Variants in NCOA6 observed in about 807,000 individuals in gnomAD.
NCOA6 encodes the protein NRC RAP250.
A neutral mutation model predicts 171.4 loss-of-function variants in NCOA6; 49 were observed. The observed-to-expected ratio is 0.29, with a 90% CI of 0.23 to 0.36. The LOEUF is 0.36. Among genes scored for constraint, NCOA6 ranks in the 10% least tolerant of loss-of-function variants. The pLI is 1.00. For missense variants in NCOA6, 2,248 were observed against 2,554.5 expected (o/e 0.88, Z 2.59); for synonymous variants, 910 against 927.5 (o/e 0.98, Z 0.34).
chr20:34,782,380 T>C lies in NCOA6; in HGVS notation c.-25A>G, dbSNP rs781254957. On this transcript the variant is annotated 5_prime_UTR_variant, in exon 3 of 15. Coordinates refer to ENST00000359003, the MANE Select transcript of NCOA6 (RefSeq NM_014071.5). The stretch of plus-strand genomic sequence containing the variant: ...TGGTGAATATTATTCCAGAAGCATA[T>C]GCCAAGAGGACAATAAGAAAACTTC... 3 of 1,443,270 alleles carry C rather than the reference T, an allele frequency of 2.1e-6. No homozygotes were observed. The highest frequency in any genetic ancestry group is 4.0e-5 in the Admixed American group (2 of 49,848). The allele number at this position is 1,443,270 out of a possible 1,614,324, so 89.4% of individuals were successfully genotyped here.
In NCOA6 at chr20:34,740,414, C is replaced by T. The variant is rs2076097203; in HGVS notation, c.5842G>A (p.Gly1948Ser). 6.2e-7 allele frequency: 1 copy of T among 1,614,016 alleles called. No individual in the cohort carries two copies. The highest frequency in any genetic ancestry group is 1.7e-5 in the Admixed American group (1 of 60,004). ...GATCCCACCTTCTCCTCCACTAGGC[C>T]ACCCGCAAGTGACTCAGATGCTATG... ...GGIASESLAG[G>S]LVEEKVGSHP... The change falls in exon 11 of 15, where the codon GGC becomes AGC. Residue 1948 changes from glycine to serine, a missense_variant. Physicochemically the swap from Gly to Ser is moderately conservative, Grantham distance 56 (BLOSUM62 0). Transcript: ENST00000359003.
chr20:34,773,293 CA>C (rs1365873944), intron 4 of NCOA6, among the ~76,000 whole-genome samples: 1 of 152,026 alleles, frequency 6.6e-6, no homozygotes, highest in Non-Finnish European at 1.5e-5. Context: ...AGAGGGGGCA[CA>C]AAATGTCCTC....
At chr20:34,825,251 G>A (rs1014239307) in intron 1 of NCOA6, among the ~76,000 whole-genome samples, 9 of 150,860 alleles carry the variant, frequency 6.0e-5, no homozygotes, top group Admixed American at 2.0e-4. Context: ...GCCCCCGCCC[G>A]CAGGCCTGGG....
rs187135898 is a variant in NCOA6 at position 34,790,673 on chromosome 20, G to A, written c.-50+1777C>T. Among the ~76,000 whole-genome samples, 96 of 147,274 alleles carry A rather than the reference G, an allele frequency of 6.5e-4. 1 individual carries two copies. The South Asian group carries it at 0.017, about 26-fold the overall frequency. ...CCTGGCCTATTATTATTTTTGAGACGGAGTCTGGCTCTGTCACCCAGGCAG... is the reference window on the plus strand; with the variant it reads ...CCTGGCCTATTATTATTTTTGAGACAGAGTCTGGCTCTGTCACCCAGGCAG... On this transcript the variant is annotated intron_variant, in intron 2 of 14. Coordinates refer to ENST00000359003, the MANE Select transcript of NCOA6 (RefSeq NM_014071.5).
intron 5 of NCOA6, among the ~76,000 whole-genome samples, chr20:34,765,583 T>A (rs939255813): frequency 1.3e-5 from 2 of 151,998 alleles, no homozygotes; most frequent in Admixed American, 1.3e-4. Flanking sequence ...CTGCACAAGA[T>A]CCAAGGTTCT....
chr20:34,722,217 C>T (rs193170812), intron 14 of NCOA6, among the ~76,000 whole-genome samples: 14 of 151,476 alleles, frequency 9.2e-5, no homozygotes, highest in Non-Finnish European at 8.8e-5. Context: ...CCTATCTCTA[C>T]TAAAAATATA....
At position 34,741,822 on chromosome 20, in the gene NCOA6, A is replaced by G. The variant is rs759105733; in HGVS notation, c.4434T>C (p.Asn1478=). 7.4e-6 allele frequency: 12 copies of G among 1,614,028 alleles called. No homozygotes were observed. Among genetic ancestry groups the G allele is most frequent in the Middle Eastern group, 3.3e-4 (2 of 6,084 alleles). ...CTTCCCTCATAGCAGGAGACACCAA[A>G]TTTTTGTTCTCTTCGACACTGGGAA... ...NKLPSVEENK[N]LVSPAMREAP... is the part of the protein sequence containing the mutation. The change falls in exon 11 of 15, where the codon AAT becomes AAC. Residue 1478 remains asparagine (N), a synonymous_variant. Coordinates refer to ENST00000359003, the MANE Select transcript of NCOA6 (RefSeq NM_014071.5).
intron 1 of NCOA6, among the ~76,000 whole-genome samples, chr20:34,804,748 A>G (rs1392990855): frequency 2.0e-5 from 3 of 152,128 alleles, no homozygotes; most frequent in Non-Finnish European, 4.4e-5. Flanking sequence ...GGGGTACAGT[A>G]TAATATTTTG....
rs1888435292 is a variant in NCOA6 at position 34,740,733 on chromosome 20, T to C, written c.5523A>G (p.Lys1841=). ...CATCTGCACCATATTGTTCTTCCCC[T>C]TTCTCAAGAGAGCCTGTAACTTTCT... The part of the protein sequence containing the change: ...ACKKVTGSLE[K]GEEQYGADGE... The change falls in exon 11 of 15, where the codon AAA becomes AAG. Residue 1841 remains lysine, a synonymous_variant. Coordinates refer to ENST00000359003, the MANE Select transcript of NCOA6 (RefSeq NM_014071.5). 6.2e-7 allele frequency: 1 copy of C among 1,614,134 alleles called. No individual in the cohort carries two copies. The highest frequency in any genetic ancestry group is 8.5e-7 in the Non-Finnish European group (1 of 1,180,044).
chr20:34,767,471 T>G (rs2077014329), intron 5 of NCOA6, among the ~76,000 whole-genome samples: 1 of 152,064 alleles, frequency 6.6e-6, no homozygotes, highest in Non-Finnish European at 1.5e-5. Flanking sequence ...AATTTTTGTA[T>G]TTTTAGTAGA....
At position 34,782,042 on chromosome 20, in the gene NCOA6, T is replaced by G. The variant is rs2077528522; in HGVS notation, c.235+79A>C. The G allele has an allele frequency of 2.9e-6, 3 of 1,035,386 alleles. No homozygotes were observed. In the African/African-American group the frequency reaches 4.9e-5, roughly 17 times the overall value. The allele number at this position is 1,035,386 out of a possible 1,614,324, so 64.1% of individuals were successfully genotyped here. On this transcript the variant is annotated intron_variant, in intron 3 of 14. Coordinates refer to ENST00000359003, the MANE Select transcript of NCOA6 (RefSeq NM_014071.5). ...TTGACCCAATTTAACAAGCTTGTTTTGTAAAACTCAAGATAACCATGGAAG... is the reference window on the plus strand; with the variant it reads ...TTGACCCAATTTAACAAGCTTGTTTGGTAAAACTCAAGATAACCATGGAAG...
At chr20:34,776,778 G>C (rs779376214) in intron 3 of NCOA6, 1 of 484,056 alleles carries the variant, frequency 2.1e-6, no homozygotes, top group South Asian at 1.5e-5. Context: ...CACAGGCAAT[G>C]AACGGAAAGC....
chr20:34,751,015 A>AAAATT (rs906204834), intron 8 of NCOA6, among the ~76,000 whole-genome samples: 1 of 151,962 alleles, frequency 6.6e-6, no homozygotes, highest in South Asian at 2.1e-4. Context: ...CCCGTCTCAA[A>AAAATT]AAATTAAATT....
rs2076439146 is a variant in NCOA6 at position 34,750,470 on chromosome 20, C to A, written c.1725G>T (p.Gly575=). 6.2e-7 allele frequency: 1 copy of A among 1,613,076 alleles called. No homozygotes were observed. Among genetic ancestry groups the A allele is most frequent in the African/African-American group, 1.3e-5 (1 of 74,772 alleles). ...GGCTGGGCTGCATCATATTTGGCGGCCCGTGGGACACCTGCATCTGGTTTT... is the reference window on the plus strand; with the variant it reads ...GGCTGGGCTGCATCATATTTGGCGGACCGTGGGACACCTGCATCTGGTTTT... ...PPQNQMQVSH[G]PPNMMQPSLM... is the part of the protein sequence containing the mutation. The change falls in exon 9 of 15, where the codon GGG becomes GGT. Residue 575 remains glycine (G), a synonymous_variant. Transcript: ENST00000359003.
At chr20:34,721,051 ACT>A (rs1408238114) in intron 14 of NCOA6, among the ~76,000 whole-genome samples, 1 of 151,668 alleles carries the variant, frequency 6.6e-6, no homozygotes, top group Non-Finnish European at 1.5e-5. Flanking sequence ...AGCTCCTATA[ACT>A]CTTGTAATTT....
At chr20:34,719,927 T>C (rs938098871) in intron 14 of NCOA6, among the ~76,000 whole-genome samples, 1 of 152,216 alleles carries the variant, frequency 6.6e-6, no homozygotes, top group Non-Finnish European at 1.5e-5. Flanking sequence ...TTTAATTCAG[T>C]ATATCTTTAT....
chr20:34,776,360 T>G lies in NCOA6; in HGVS notation c.324A>C (p.Leu108=). ...GGTTGTTGCTCTGAGCAAGGATCCG[T>G]AGCCGCTCCGCTGCTTCCCGGGGGA... The part of the protein sequence containing the change: ...FNIPREAAER[L]RILAQSNNQQ... Residue 108 remains leucine (L), a synonymous_variant, in exon 4 of 15, where the codon CTA becomes CTC. Coordinates refer to ENST00000359003, the MANE Select transcript of NCOA6 (RefSeq NM_014071.5). 2 of 1,614,158 alleles carry G rather than the reference T, an allele frequency of 1.2e-6. No homozygotes were observed. Among genetic ancestry groups the G allele is most frequent in the Non-Finnish European group, 1.7e-6 (2 of 1,180,036 alleles).
chr20:34,736,433 C>A lies in NCOA6; in HGVS notation c.5962+257G>T, dbSNP rs951884604. ...AACCCATGGCTGGGTGGCAGACAGACAATGGGCACGGAATTGCCCTTCTTG... is the reference window on the plus strand; with the variant it reads ...AACCCATGGCTGGGTGGCAGACAGAAAATGGGCACGGAATTGCCCTTCTTG... On this transcript the variant is annotated intron_variant, in intron 12 of 14. Coordinates refer to ENST00000359003, the MANE Select transcript of NCOA6 (RefSeq NM_014071.5). 3.9e-5 allele frequency among the ~76,000 whole-genome samples: 6 copies of A among 152,192 alleles called. No individual in the cohort carries two copies. The East Asian group carries it at 5.8e-4, about 15-fold the overall frequency.
Position 34,742,964 on chromosome 20 carries a change from G to A in NCOA6, c.3292C>T (p.Pro1098Ser), listed in dbSNP as rs751738571. Residue 1098 changes from proline to serine, a missense_variant, in exon 11 of 15, where the codon CCA (proline) becomes TCA (serine). Pro to Ser is a moderately conservative substitution (Grantham distance 74, BLOSUM62 -1). Around this residue, in one of 7 missense-constraint regions of NCOA6, gnomAD observed 352 missense variants for 419.1 expected, o/e 0.84. Transcript: ENST00000359003. ...CCCAAGGGAGTATTCACAGGCATTG[G>A]CATTCTTTGTTTATCAGGTGATGGT... Reference protein sequence around the residue: ...VPPSPDKQRMPMPVNTPLGSN... With the variant: ...VPPSPDKQRMSMPVNTPLGSN... The A allele has an allele frequency of 1.9e-6, 3 of 1,613,748 alleles. No individual in the cohort carries two copies. The highest frequency in any genetic ancestry group is 3.3e-5 in the Admixed American group (2 of 59,966).
Sources: gnomAD v4.1 joint callset for allele counts (sites outside exome capture counted in the v4.1 genomes callset) on GRCh38, gnomAD v4.1.1 for gene constraint, gnomAD v4.1.1 regional missense constraint, MANE v1.5 for transcripts, NCBI Gene and HGNC (gene_info 2026-07-23, HGNC 2026-07-21) for gene names.